The following ANAPC7 variants were observed in gnomAD, a reference collection of about 807,000 sequenced individuals.
ANAPC7 encodes anaphase promoting complex subunit 7.
In ANAPC7, 25 loss-of-function variants were observed where a neutral mutation model predicts 63.3. The observed-to-expected ratio is 0.39, with a 90% CI of 0.29 to 0.55. The LOEUF (loss-of-function observed/expected upper bound fraction) is 0.55. ANAPC7 is among the 20% of genes least tolerant of loss of function. ANAPC7 has a pLI of 0.57. For synonymous variants in ANAPC7, 241 were observed against 251.7 expected (o/e 0.96, Z 0.40); for missense variants, 516 against 691.7 (o/e 0.75, Z 2.85).
chr12:110,391,450 T>C (rs1883076530), intron 3 of ANAPC7, among the ~76,000 whole-genome samples: 1 of 152,182 alleles, frequency 6.6e-6, no homozygotes, highest in East Asian at 1.9e-4. Flanking sequence ...TTTAGACACA[T>C]TTTGACTCAC....
intron 8 of ANAPC7, chr12:110,378,676 C>G (rs969606875): frequency 2.0e-5 from 3 of 152,008 alleles, no homozygotes; most frequent in African/African-American, 4.8e-5. Flanking sequence ...TTGAGGAGAA[C>G]AGAGGAATAA....
rs918994357 is a variant in ANAPC7, at chr12:110,374,033, C to T, written c.*111G>A. ...AGCGAGGGGGCAGAGACCCCTGCTG[C>T]AATCACATGCTGAATCATTGTCCTT... On this transcript the variant is annotated 3_prime_UTR_variant, in exon 11 of 11. Transcript: ENST00000455511. 2 of 1,266,816 alleles carry T rather than the reference C, an allele frequency of 1.6e-6. No individual in the cohort carries two copies. Among genetic ancestry groups the T allele is most frequent in the Admixed American group, 2.4e-5 (1 of 41,584 alleles). The allele number at this position is 1,266,816 out of a possible 1,614,324, so 78.5% of individuals were successfully genotyped here. A position where few individuals can be genotyped will look rare whatever the true frequency, so the allele number is the denominator to read the frequency against.
chr12:110,377,552 A>C lies in ANAPC7; in HGVS notation c.1198T>G (p.Tyr400Asp), dbSNP rs1194216708. Residue 400 changes from tyrosine to aspartate, a missense_variant, in exon 9 of 11, where the codon TAC becomes GAC. Around this residue, in one of 4 missense-constraint regions of ANAPC7, gnomAD observed 122 missense variants for 212.0 expected, o/e 0.58. Coordinates refer to ENST00000455511, the MANE Select transcript of ANAPC7 (RefSeq NM_016238.3). The stretch of plus-strand genomic sequence containing the variant: ...TGTGCATTTGCTCCCAGAGTTTTGT[A>C]AACGTTGTTAGCCATTACCATTGCT... ...REAMVMANNV[Y>D]KTLGANAQTL... 6.2e-7 allele frequency: 1 copy of C among 1,614,088 alleles called. No individual in the cohort carries two copies. The highest frequency in any genetic ancestry group is 8.5e-7 in the Non-Finnish European group (1 of 1,180,040).
chr12:110,379,654 T>C (rs1881630806), intron 8 of ANAPC7, among the ~76,000 whole-genome samples: 1 of 152,234 alleles, frequency 6.6e-6, no homozygotes, highest in African/African-American at 2.4e-5. Flanking sequence ...GGCATAGCTC[T>C]CTGGCTATAT....
chr12:110,399,078 T>C (rs1265575516), intron 1 of ANAPC7, among the ~76,000 whole-genome samples: 2 of 150,364 alleles, frequency 1.3e-5, no homozygotes, highest in Non-Finnish European at 3.0e-5. Context: ...TAGAATGCAG[T>C]GGCACAATCT....
In ANAPC7 at chr12:110,403,665, G is replaced by C; in HGVS notation, c.-38C>G. The C allele has an allele frequency of 6.4e-7, 1 of 1,563,648 alleles. No individual in the cohort carries two copies. The highest frequency in any genetic ancestry group is 1.2e-5 in the South Asian group (1 of 85,526). ...AGCCGCGGGCAGCGGCGGCAGCACT[G>C]ACTCGAAAAGCCGGTAGAGGATCCT... On this transcript the variant is annotated 5_prime_UTR_variant, in exon 1 of 11. Coordinates refer to ENST00000455511, the MANE Select transcript of ANAPC7 (RefSeq NM_016238.3).
At chr12:110,394,759 T>C (rs370419897) in intron 3 of ANAPC7, among the ~76,000 whole-genome samples, 33 of 151,058 alleles carry the variant, frequency 2.2e-4, no homozygotes, top group African/African-American at 7.3e-4. Context: ...GGTGGGAGGA[T>C]TGCTTAAGCC....
chr12:110,374,192 A>G lies in ANAPC7; in HGVS notation c.1650T>C (p.Ser550=). ...CCTGGTCAGCCCACTGGGCCGCCTC[A>G]CTGTCGCTGCCCTCCAGGTCCCCTT... is the stretch of plus-strand genomic sequence containing the variant. ...GEEGDLEGSD[S]EAAQWADQEQ... is the part of the protein sequence containing the mutation. The change falls in exon 11 of 11, where the codon AGT becomes AGC. Residue 550 remains serine, a synonymous_variant. Transcript: ENST00000455511. 1 of 1,613,710 alleles carries G rather than the reference A, an allele frequency of 6.2e-7. No individual in the cohort carries two copies. The highest frequency in any genetic ancestry group is 1.3e-5 in the African/African-American group (1 of 75,030).
rs918943820 is a variant in ANAPC7 at position 110,374,419 on chromosome 12, A to C, written c.1509-86T>G. On this transcript the variant is annotated intron_variant, in intron 10 of 10. Transcript: ENST00000455511. ...CGTCATCTCCCTGGCCCGGCAGTGA[A>C]ATGACCACACAGTCCCAAAAAATGT... is the stretch of plus-strand genomic sequence containing the variant. The C allele has an allele frequency of 1.2e-5, 16 of 1,365,594 alleles. No homozygotes were observed. In the African/African-American group the frequency reaches 1.4e-4, roughly 12 times the overall value. 84.6% of individuals were successfully genotyped at this position (1,365,594 alleles called of 1,614,324 possible). A position where few individuals can be genotyped will look rare whatever the true frequency, so the allele number is the denominator to read the frequency against.
chr12:110,387,987 G>T, intron 4 of ANAPC7, 95 bp from the exon 5 acceptor site: 1 of 1,355,148 alleles, frequency 7.4e-7, no homozygotes, highest in South Asian at 1.3e-5. Flanking sequence ...TGGCTAAAAG[G>T]CAACTGCTTC....
rs1436930342 is a variant in ANAPC7 at position 110,373,796 on chromosome 12, A to G, written c.*348T>C. 4 of 195,544 alleles carry G rather than the reference A, an allele frequency of 2.0e-5. No homozygotes were observed. The highest frequency in any genetic ancestry group is 4.1e-5 in the Non-Finnish European group (4 of 97,820). The allele number at this position is 195,544 out of a possible 1,614,324, so 12.1% of individuals were successfully genotyped here. A position where few individuals can be genotyped will look rare whatever the true frequency, so the allele number is the denominator to read the frequency against. On this transcript the variant is annotated 3_prime_UTR_variant, in exon 11 of 11. Coordinates refer to ENST00000455511, the MANE Select transcript of ANAPC7 (RefSeq NM_016238.3). ...CTGGGATGGTGGGTAACTCCTTCAAACCAATCCATGTCACAGAACACTGTC... is the reference window on the plus strand; with the variant it reads ...CTGGGATGGTGGGTAACTCCTTCAAGCCAATCCATGTCACAGAACACTGTC...
At chr12:110,402,281 A>C (rs1414493710) in intron 1 of ANAPC7, among the ~76,000 whole-genome samples, 1 of 152,298 alleles carries the variant, frequency 6.6e-6, no homozygotes, top group Non-Finnish European at 1.5e-5. Context: ...TGGAGGGCAG[A>C]TATTTGCCTT....
intron 6 of ANAPC7, among the ~76,000 whole-genome samples, chr12:110,386,084 A>G (rs1882425479): frequency 6.6e-6 from 1 of 152,200 alleles, no homozygotes; most frequent in African/African-American, 2.4e-5. Flanking sequence ...CTCAAAAGAA[A>G]AAAAGCCAAA....
chr12:110,378,383 C>T (rs28537922), intron 8 of ANAPC7, among the ~76,000 whole-genome samples: 1 of 152,198 alleles, frequency 6.6e-6, no homozygotes, highest in African/African-American at 2.4e-5. Flanking sequence ...CGTAAGCCAC[C>T]GTGCCTGGCC....
intron 3 of ANAPC7, among the ~76,000 whole-genome samples, 174 bp downstream of exon 3, chr12:110,394,927 T>G (rs997208085): frequency 2.0e-5 from 3 of 152,038 alleles, no homozygotes; most frequent in Non-Finnish European, 2.9e-5. Flanking sequence ...CAGCTATCAT[T>G]TTCATCAGCT....
intron 8 of ANAPC7, chr12:110,378,117 A>G (rs28609096): frequency 0.48 from 74,497 of 156,086 alleles, 20,184 homozygotes; most frequent in African/African-American, 0.75. Context: ...TTTTTGCGAC[A>G]GAGTTTCACT....
intron 1 of ANAPC7, among the ~76,000 whole-genome samples, chr12:110,401,144 T>G (rs1256433047): frequency 1.3e-5 from 2 of 152,244 alleles, no homozygotes; most frequent in African/African-American, 2.4e-5. Flanking sequence ...TTTTCCCTTC[T>G]GACCTAGACC....
At position 110,386,046 on chromosome 12, in the gene ANAPC7, A is replaced by G. The variant is rs185118784; in HGVS notation, c.817+281T>C. ...TCTCAGTCAGGCACACCATAAATTT[A>G]TAAGTCATAAGGAGGAGCTATGACC... On this transcript the variant is annotated intron_variant, in intron 6 of 10. Coordinates refer to ENST00000455511, the MANE Select transcript of ANAPC7 (RefSeq NM_016238.3). Among the ~76,000 whole-genome samples, 92 of 152,302 alleles carry G rather than the reference A, an allele frequency of 6.0e-4. 1 individual carries two copies. The highest frequency in any genetic ancestry group is 2.1e-3 in the African/African-American group (89 of 41,572).
intron 10 of ANAPC7, chr12:110,375,601 T>C (rs1881192510): frequency 3.8e-6 from 3 of 782,892 alleles, no homozygotes; most frequent in Non-Finnish European, 4.6e-6. Context: ...TAGCTAGATA[T>C]AGACAAGGAA....
Sources: gnomAD v4.1 joint callset for allele counts (sites outside exome capture counted in the v4.1 genomes callset) on GRCh38, gnomAD v4.1.1 for gene constraint, gnomAD v4.1.1 regional missense constraint, MANE v1.5 for transcripts, NCBI Gene and HGNC (gene_info 2026-07-23, HGNC 2026-07-21) for gene names.